Variants in BDP1 observed in about 807,000 individuals in gnomAD.
The protein encoded by BDP1 is BDP1 general transcription factor IIIB subunit, also known as transcription factor TFIIIB component B'' homolog.
In BDP1, 169 loss-of-function variants were observed where a neutral mutation model predicts 266.6. The ratio of observed to expected loss-of-function variants is 0.63; its 90% CI spans 0.56 to 0.72. The LOEUF (loss-of-function observed/expected upper bound fraction) is 0.72, where lower values mean the gene tolerates loss of function less well. BDP1 is among the 30% of genes least tolerant of loss of function. The pLI is 0.00. For synonymous variants in BDP1, 1,090 were observed against 1,022.4 expected, an observed-to-expected ratio of 1.07 and a Z score of -1.26; for missense variants, 3,015 against 3,053.8, an observed-to-expected ratio of 0.99 and a Z score of 0.30.
chr5:71,532,320 G>T lies in BDP1; in HGVS notation c.5785G>T (p.Val1929Leu), dbSNP rs1561759434. 6.2e-7 allele frequency: 1 copy of T among 1,613,288 alleles called. No individual in the cohort carries two copies. Among genetic ancestry groups the T allele is most frequent in the Admixed American group, 1.7e-5 (1 of 59,986 alleles). Residue 1929 changes from valine (V) to leucine (L), a missense_variant, in exon 26 of 39, where the codon GTG becomes TTG. Physicochemically the swap from Val to Leu is conservative, Grantham distance 32 (BLOSUM62 1). Transcript: ENST00000358731. ...TTTATTTTGACAGCTTGAAATAACT[G>T]TGAATGTCCCAGATGTAGGATGCAT... ...EETMEELEIT[V>L]NVPDVGCIAV...
chr5:71,530,790 T>C (rs1476795935), intron 25 of BDP1, among the ~76,000 whole-genome samples: 2 of 152,180 alleles, frequency 1.3e-5, no homozygotes, highest in African/African-American at 4.8e-5. Flanking sequence ...TTATAACAAA[T>C]ATGTTGGCTG....
Position 71,510,260 on chromosome 5 carries a change from T to A in BDP1, c.3168T>A (p.Pro1056=). 1 of 1,613,544 alleles carries A rather than the reference T, an allele frequency of 6.2e-7. No homozygotes were observed. Among genetic ancestry groups the A allele is most frequent in the East Asian group, 2.2e-5 (1 of 44,836 alleles). ...AAAATGGACTAGAGGAGGTCAAGCC[T>A]CTAGGTGAAATGGAGACGGATTTGA... ...PQENGLEEVK[P]LGEMETDLKA... The change falls in exon 17 of 39, where the codon CCT becomes CCA. Residue 1056 remains proline (P), a synonymous_variant. Coordinates refer to ENST00000358731, the MANE Select transcript of BDP1 (RefSeq NM_018429.3).
chr5:71,530,321 G>A (rs1251265239), intron 25 of BDP1, among the ~76,000 whole-genome samples: 11 of 151,870 alleles, frequency 7.2e-5, no homozygotes, highest in African/African-American at 2.2e-4. Flanking sequence ...TGCAACCCCC[G>A]CCTCCCAGGC....
At chr5:71,532,544 G>C in intron 26 of BDP1, 117 bp downstream of exon 26, 1 of 974,312 alleles carries the variant, frequency 1.0e-6, no homozygotes, top group Non-Finnish European at 1.5e-6. Context: ...ATTTCTCTTT[G>C]TAAGGAGCTG....
At chr5:71,571,533 C>A (rs929755925), downstream of BDP1, among the ~76,000 whole-genome samples, 1 of 152,180 alleles carries the variant, frequency 6.6e-6, no homozygotes, top group Non-Finnish European at 1.5e-5. Flanking sequence ...AGATGGCTTC[C>A]TGTACATGGC....
At chr5:71,512,202 T>A in intron 17 of BDP1, 39 bp from the exon 18 acceptor site, 2 of 1,086,654 alleles carry the variant, frequency 1.8e-6, no homozygotes, top group South Asian at 3.0e-5. Context: ...GTTTAAATAC[T>A]CTTTTATTTG....
chr5:71,562,388 A>T lies in BDP1; in HGVS notation c.7611A>T (p.Gly2537=). 6.2e-7 allele frequency: 1 copy of T among 1,613,942 alleles called. No homozygotes were observed. Among genetic ancestry groups the T allele is most frequent in the Non-Finnish European group, 8.5e-7 (1 of 1,179,952 alleles). The change falls in exon 38 of 39, where the codon GGA becomes GGT. Residue 2537 remains glycine (G), a synonymous_variant. Transcript: ENST00000358731. ...AACGCCTAAAACCTCTTATACCTGG[A>T]TTAAGAAAGAAATTGAAAAGATCTA... ...SKKRLKPLIP[G]LRKKLKRSNP...
At position 71,457,030 on chromosome 5, in the gene BDP1, A is replaced by G. The variant is rs112703770; in HGVS notation, c.212+941A>G. 2.1e-3 allele frequency among the ~76,000 whole-genome samples: 319 copies of G among 152,298 alleles called. 1 individual carries two copies. The highest frequency in any genetic ancestry group is 6.6e-3 in the African/African-American group (273 of 41,570). On this transcript the variant is annotated intron_variant, in intron 1 of 38. Transcript: ENST00000358731. The stretch of plus-strand genomic sequence containing the variant: ...CGTTGATAGTTCAGTGATGGTTAGT[A>G]ATTTCCAAGTTTATTACATGAATCT...
At chr5:71,551,314 C>CT (rs1197737922) in intron 34 of BDP1, among the ~76,000 whole-genome samples, 1 of 152,080 alleles carries the variant, frequency 6.6e-6, no homozygotes, top group Non-Finnish European at 1.5e-5. Flanking sequence ...GGTGATGACT[C>CT]TTAACGAGCA....
intron 18 of BDP1, 90 bp downstream of exon 18, chr5:71,512,518 G>T: frequency 1.2e-6 from 1 of 828,842 alleles, no homozygotes; most frequent in Non-Finnish European, 1.8e-6. Context: ...ACATATACAG[G>T]ATAGTGTTAG....
chr5:71,494,334 T>A (rs1230745631), intron 11 of BDP1: 1 of 152,212 alleles, frequency 6.6e-6, no homozygotes, highest in Non-Finnish European at 1.5e-5. Context: ...TTAGTTGAAA[T>A]TTATTTTGTG....
intron 12 of BDP1, among the ~76,000 whole-genome samples, chr5:71,496,932 C>T (rs1763934113): frequency 6.6e-6 from 1 of 152,228 alleles, no homozygotes; most frequent in East Asian, 1.9e-4. Context: ...TTTATCCTCA[C>T]TGTATTGTAT....
intron 7 of BDP1, among the ~76,000 whole-genome samples, chr5:71,477,909 T>C (rs1004667452): frequency 1.3e-5 from 2 of 151,730 alleles, no homozygotes; most frequent in African/African-American, 2.4e-5. Flanking sequence ...TGAGCCACCA[T>C]ACCTGGCCCA....
At position 71,522,749 on chromosome 5, in the gene BDP1, A is replaced by G; in HGVS notation, c.5194-7A>G. Reference sequence around the variant, plus strand: ...GTAATACTAGCTAATTTCTTCTTAAATTTAAGGAAAAAGCTGAGCTTCTGA... The same window carrying G: ...GTAATACTAGCTAATTTCTTCTTAAGTTTAAGGAAAAAGCTGAGCTTCTGA... On this transcript the variant is annotated splice_polypyrimidine_tract_variant and splice_region_variant and intron_variant, in intron 23 of 38. Transcript: ENST00000358731. The G allele has an allele frequency of 6.3e-7, 1 of 1,578,914 alleles. No homozygotes were observed. Among genetic ancestry groups the G allele is most frequent in the Non-Finnish European group, 8.6e-7 (1 of 1,169,434 alleles).
At chr5:71,568,393 C>G (rs1744149498), downstream of BDP1, among the ~76,000 whole-genome samples, 1 of 152,172 alleles carries the variant, frequency 6.6e-6, no homozygotes, top group Non-Finnish European at 1.5e-5. Flanking sequence ...ATCTCAAACT[C>G]AAAGGGCGAC....
chr5:71,548,420 G>A (rs760338921), intron 32 of BDP1, among the ~76,000 whole-genome samples: 1 of 152,098 alleles, frequency 6.6e-6, no homozygotes, highest in Non-Finnish European at 1.5e-5. Flanking sequence ...AAGTTGTGGG[G>A]TTTGGGTCTC....
At chr5:71,561,570 C>T (rs1318086314) in intron 37 of BDP1, among the ~76,000 whole-genome samples, 4 of 152,176 alleles carry the variant, frequency 2.6e-5, no homozygotes, top group African/African-American at 9.7e-5. Flanking sequence ...TCTGCAGTTA[C>T]AGCACAAAAG....
intron 34 of BDP1, among the ~76,000 whole-genome samples, chr5:71,551,608 C>A (rs1429732936): frequency 2.6e-5 from 4 of 152,246 alleles, no homozygotes; most frequent in Admixed American, 1.3e-4. Context: ...ATGGCCCATT[C>A]TCAATGAGCC....
At chr5:71,467,855 G>A (rs868096039) in intron 6 of BDP1, among the ~76,000 whole-genome samples, 61 of 151,946 alleles carry the variant, frequency 4.0e-4, no homozygotes, top group African/African-American at 1.3e-3. Context: ...AAATTAGAAA[G>A]TAGAGATAGG....
Sources: gnomAD v4.1 joint callset for allele counts (sites outside exome capture counted in the v4.1 genomes callset) on GRCh38, gnomAD v4.1.1 for gene constraint, MANE v1.5 for transcripts, NCBI Gene and HGNC (gene_info 2026-07-23, HGNC 2026-07-21) for gene names.